Variants in DPP10 observed in about 807,000 individuals in gnomAD.
The protein encoded by DPP10 is dipeptidyl peptidase like 10, also known as inactive dipeptidyl peptidase 10.
In DPP10, 33 loss-of-function variants were observed where a neutral mutation model predicts 120.9. The ratio of observed to expected loss-of-function variants is 0.27; its 90% confidence interval spans 0.21 to 0.37. DPP10 has a LOEUF of 0.37. DPP10 is among the 10% of genes least tolerant of loss of function. The pLI, the probability that DPP10 is intolerant of heterozygous loss-of-function variation, is 1.00. For missense variants in DPP10, 816 were observed against 942.8 expected (o/e 0.87, Z 1.76); for synonymous variants, 337 against 326.1 (o/e 1.03, Z -0.36).
At chr2:114,898,436 C>T (rs1348390778) in intron 1 of DPP10, among the ~76,000 whole-genome samples, 1 of 151,516 alleles carries the variant, frequency 6.6e-6, no homozygotes, top group Non-Finnish European at 1.5e-5. Flanking sequence ...CAACATGGCA[C>T]ATGTATACAT....
At chr2:114,576,389 T>C (rs1690047462) in intron 1 of DPP10, among the ~76,000 whole-genome samples, 2 of 152,222 alleles carry the variant, frequency 1.3e-5, no homozygotes, top group African/African-American at 4.8e-5. Context: ...TGGAATTTAA[T>C]GAGAGCTATT....
chr2:115,592,570 T>TAA (rs34141896), intron 5 of DPP10, among the ~76,000 whole-genome samples: 4 of 134,322 alleles, frequency 3.0e-5, no homozygotes, highest in Admixed American at 1.5e-4. Flanking sequence ...CCGTCTCTGC[T>TAA]AAAAAAAAAC....
At chr2:114,925,817 A>G (rs1429898111) in intron 1 of DPP10, among the ~76,000 whole-genome samples, 1 of 152,178 alleles carries the variant, frequency 6.6e-6, no homozygotes, top group South Asian at 2.1e-4. Flanking sequence ...CTGTCCTCAC[A>G]TGTGCCGCTA....
chr2:114,566,617 T>G (rs1689220564), intron 1 of DPP10, among the ~76,000 whole-genome samples: 1 of 152,224 alleles, frequency 6.6e-6, no homozygotes, highest in Admixed American at 6.5e-5. Flanking sequence ...GTGTTAAGTT[T>G]TATTTTTAAT....
intron 1 of DPP10, among the ~76,000 whole-genome samples, chr2:114,528,755 T>C (rs1043883824): frequency 4.6e-5 from 7 of 151,860 alleles, no homozygotes; most frequent in Non-Finnish European, 7.4e-5. Flanking sequence ...TTTTCTTATA[T>C]TTTCAGAGTA....
intron 3 of DPP10, among the ~76,000 whole-genome samples, chr2:115,482,441 G>A (rs951904626): frequency 2.0e-5 from 3 of 151,792 alleles, no homozygotes; most frequent in Admixed American, 6.6e-5. Context: ...ATTGTTTTTA[G>A]TATATTCATA....
intron 3 of DPP10, among the ~76,000 whole-genome samples, chr2:115,390,538 A>G (rs1574680064): frequency 6.6e-6 from 1 of 151,974 alleles, no homozygotes; most frequent in Admixed American, 6.6e-5. Flanking sequence ...GTAAACAGGG[A>G]TACTGGCCAT....
intron 3 of DPP10, among the ~76,000 whole-genome samples, chr2:115,479,014 A>G (rs1190361945): frequency 1.3e-5 from 2 of 152,178 alleles, no homozygotes; most frequent in African/African-American, 4.8e-5. Flanking sequence ...ACAAAATTAA[A>G]TGCAGAATTA....
At chr2:115,370,694 G>C (rs529749060) in intron 3 of DPP10, among the ~76,000 whole-genome samples, 1 of 152,100 alleles carries the variant, frequency 6.6e-6, no homozygotes, top group African/African-American at 2.4e-5. Context: ...CTATTTCTGG[G>C]AACATTATGT....
chr2:115,241,331 C>G (rs2058269046), intron 1 of DPP10, among the ~76,000 whole-genome samples: 1 of 152,116 alleles, frequency 6.6e-6, no homozygotes, highest in Admixed American at 6.6e-5. Flanking sequence ...TTTAAAACTG[C>G]ATGTTTAAAC....
chr2:114,591,170 T>C (rs1691429564), intron 1 of DPP10, among the ~76,000 whole-genome samples: 1 of 152,164 alleles, frequency 6.6e-6, no homozygotes, highest in Non-Finnish European at 1.5e-5. Context: ...AGCATTCGAA[T>C]GGGGTAAGGT....
intron 1 of DPP10, among the ~76,000 whole-genome samples, chr2:114,522,431 A>G (rs1000096162): frequency 2.6e-5 from 4 of 152,302 alleles, no homozygotes; most frequent in Non-Finnish European, 4.4e-5. Flanking sequence ...TAGAAGATAA[A>G]TCAAAGAACT....
intron 1 of DPP10, among the ~76,000 whole-genome samples, chr2:114,672,012 A>AT (rs1227166645): frequency 6.6e-6 from 1 of 151,906 alleles, no homozygotes; most frequent in Non-Finnish European, 1.5e-5. Context: ...TATACTTGTA[A>AT]TTTTTTTCTT....
intron 5 of DPP10, among the ~76,000 whole-genome samples, chr2:115,667,067 A>G (rs769217050): frequency 6.6e-6 from 1 of 151,974 alleles, no homozygotes; most frequent in African/African-American, 2.4e-5. Flanking sequence ...AAACCTCTTT[A>G]CCATCTCATT....
chr2:115,406,077 A>G (rs2068489358), intron 3 of DPP10, among the ~76,000 whole-genome samples: 1 of 152,230 alleles, frequency 6.6e-6, no homozygotes, highest in African/African-American at 2.4e-5. Flanking sequence ...AATTGACCAA[A>G]TCTTTTCACT....
chr2:115,730,392 C>G (rs762034696), intron 8 of DPP10, among the ~76,000 whole-genome samples: 8 of 152,258 alleles, frequency 5.3e-5, no homozygotes, highest in Non-Finnish European at 1.0e-4. Context: ...ACATAGTGAG[C>G]AAGCATTAAC....
intron 1 of DPP10, among the ~76,000 whole-genome samples, chr2:114,938,335 G>C (rs1039850269): frequency 1.3e-5 from 2 of 151,800 alleles, no homozygotes; most frequent in African/African-American, 4.8e-5. Flanking sequence ...ATTTCTGTAG[G>C]TTTTTCCATT....
chr2:115,611,488 T>C (rs1164355840), intron 5 of DPP10, among the ~76,000 whole-genome samples: 1 of 152,194 alleles, frequency 6.6e-6, no homozygotes, highest in Non-Finnish European at 1.5e-5. Context: ...ATTTAGTGTT[T>C]ACCCCAACCT....
intron 5 of DPP10, among the ~76,000 whole-genome samples, chr2:115,541,614 G>C (rs1458706626): frequency 6.6e-6 from 1 of 151,874 alleles, no homozygotes; most frequent in Admixed American, 6.6e-5. Context: ...TAATAACAGA[G>C]CTGGGATCAG....
Sources: gnomAD v4.1 joint callset for allele counts (sites outside exome capture counted in the v4.1 genomes callset) on GRCh38, gnomAD v4.1.1 for gene constraint, MANE v1.5 for transcripts, NCBI Gene and HGNC (gene_info 2026-07-23, HGNC 2026-07-21) for gene names.